The following PTPRD variants were observed in gnomAD, a reference collection of about 807,000 sequenced individuals.
PTPRD encodes the protein receptor-type tyrosine-protein phosphatase delta.
In PTPRD, 34 loss-of-function variants were observed where a neutral mutation model predicts 214.5. The observed-to-expected ratio is 0.16, with a 90% CI of 0.12 to 0.21. The LOEUF (loss-of-function observed/expected upper bound fraction) is 0.21, where lower values mean the gene tolerates loss of function less well. Ranked by LOEUF, PTPRD falls within the 10% of genes least tolerant of loss-of-function variation. The pLI is 1.00. For synonymous variants in PTPRD, 1,128 were observed against 845.7 expected (o/e 1.33, Z -5.79); for missense variants, 2,545 against 2,398.7 (o/e 1.06, Z -1.27).
At chr9:9,547,118 G>A (rs1197717691) in intron 8 of PTPRD, among the ~76,000 whole-genome samples, 3 of 151,976 alleles carry the variant, frequency 2.0e-5, no homozygotes, top group Non-Finnish European at 4.4e-5. Flanking sequence ...TTGCACAAAT[G>A]CCATACCAAA....
At chr9:8,646,689 A>C (rs917997800) in intron 12 of PTPRD, among the ~76,000 whole-genome samples, 1 of 152,164 alleles carries the variant, frequency 6.6e-6, no homozygotes. Flanking sequence ...TGTATCTTTT[A>C]TGAATCACAA....
intron 9 of PTPRD, among the ~76,000 whole-genome samples, chr9:9,351,710 T>C (rs542119326): frequency 6.6e-6 from 1 of 152,168 alleles, no homozygotes; most frequent in African/African-American, 2.4e-5. Flanking sequence ...TGACATATTG[T>C]CTTAAAACAT....
At chr9:10,193,775 A>G (rs1018599526) in intron 3 of PTPRD, among the ~76,000 whole-genome samples, 1 of 152,164 alleles carries the variant, frequency 6.6e-6, no homozygotes. Context: ...AATATTTCAG[A>G]TACAAAAAGT....
chr9:9,515,158 T>C (rs1470584014), intron 8 of PTPRD, among the ~76,000 whole-genome samples: 1 of 152,082 alleles, frequency 6.6e-6, no homozygotes, highest in African/African-American at 2.4e-5. Flanking sequence ...TTATTGACCG[T>C]GGTGGAGGTG....
intron 11 of PTPRD, among the ~76,000 whole-genome samples, chr9:8,753,858 T>C (rs2093744601): frequency 6.6e-6 from 1 of 152,206 alleles, no homozygotes; most frequent in Admixed American, 6.5e-5. Flanking sequence ...AGACTCATTA[T>C]TGTAGGCCAG....
At chr9:10,513,039 G>C (rs2048824347) in intron 2 of PTPRD, among the ~76,000 whole-genome samples, 1 of 152,076 alleles carries the variant, frequency 6.6e-6, no homozygotes, top group African/African-American at 2.4e-5. Flanking sequence ...TGTGTTATCA[G>C]AGCCAAAGAC....
chr9:9,004,896 G>C (rs10816029), intron 11 of PTPRD, among the ~76,000 whole-genome samples: 1 of 152,022 alleles, frequency 6.6e-6, no homozygotes, highest in African/African-American at 2.4e-5. Context: ...CTTATTTTCA[G>C]TGTAAGTTTT....
chr9:10,514,946 C>G (rs1233583841), intron 2 of PTPRD, among the ~76,000 whole-genome samples: 2 of 151,876 alleles, frequency 1.3e-5, no homozygotes, highest in Non-Finnish European at 2.9e-5. Context: ...TAAATTAATT[C>G]ATATAAAATT....
At chr9:10,561,145 G>C (rs1247648603) in intron 2 of PTPRD, among the ~76,000 whole-genome samples, 1 of 152,058 alleles carries the variant, frequency 6.6e-6, no homozygotes. Flanking sequence ...TCTAGATTTT[G>C]GTTTTAAACA....
chr9:8,597,541 C>T (rs1178312043), intron 14 of PTPRD, among the ~76,000 whole-genome samples: 1 of 151,888 alleles, frequency 6.6e-6, no homozygotes, highest in Non-Finnish European at 1.5e-5. Context: ...ATTTTTACAA[C>T]AGTGAAAATA....
intron 5 of PTPRD, among the ~76,000 whole-genome samples, chr9:9,844,059 T>A (rs117285748): frequency 0.029 from 4,456 of 152,090 alleles, 86 homozygotes; most frequent in Middle Eastern, 0.068. Context: ...CCATGTTCTT[T>A]GGGTACTTTA....
At chr9:8,454,732 A>G (rs1179203887) in intron 33 of PTPRD, 2 of 869,816 alleles carry the variant, frequency 2.3e-6, no homozygotes, top group African/African-American at 3.4e-5. Context: ...TACATTCAGA[A>G]GCGACAGCGA....
intron 2 of PTPRD, among the ~76,000 whole-genome samples, chr9:10,391,605 T>C (rs1565735502): frequency 6.6e-6 from 1 of 151,780 alleles, no homozygotes; most frequent in African/African-American, 2.4e-5. Flanking sequence ...ACCCTGAGTA[T>C]AACCATTGCT....
At chr9:8,671,980 A>T (rs2097297444) in intron 12 of PTPRD, among the ~76,000 whole-genome samples, 1 of 152,224 alleles carries the variant, frequency 6.6e-6, no homozygotes, top group Admixed American at 6.5e-5. Context: ...ACATCTCACG[A>T]GTCCATAAAC....
intron 8 of PTPRD, among the ~76,000 whole-genome samples, chr9:9,569,197 G>T (rs1021955701): frequency 5.9e-5 from 9 of 151,486 alleles, no homozygotes; most frequent in Non-Finnish European, 1.2e-4. Context: ...CAGATGATAC[G>T]CTAGTCATTT....
At chr9:8,399,398 C>T (rs560176179) in intron 36 of PTPRD, among the ~76,000 whole-genome samples, 2 of 152,072 alleles carry the variant, frequency 1.3e-5, no homozygotes, top group East Asian at 1.9e-4. Context: ...TTTAAATGTT[C>T]GTGAAATTAT....
chr9:8,394,785 T>G (rs1369553385), intron 36 of PTPRD, among the ~76,000 whole-genome samples: 1 of 152,152 alleles, frequency 6.6e-6, no homozygotes, highest in East Asian at 1.9e-4. Context: ...TCCTATTGCT[T>G]CTACCTTTGA....
intron 11 of PTPRD, among the ~76,000 whole-genome samples, chr9:8,812,704 C>A (rs7866522): frequency 0.78 from 118,421 of 151,582 alleles, 47,044 homozygotes; most frequent in African/African-American, 0.94. Flanking sequence ...GGTGACAAAC[C>A]TTACAAACTC....
chr9:10,551,966 T>A (rs1175776155), intron 2 of PTPRD, among the ~76,000 whole-genome samples: 4 of 152,224 alleles, frequency 2.6e-5, no homozygotes, highest in Non-Finnish European at 1.5e-5. Context: ...AATTTTCTAC[T>A]TTGCATGCAT....
Sources: gnomAD v4.1 joint callset for allele counts (sites outside exome capture counted in the v4.1 genomes callset) on GRCh38, gnomAD v4.1.1 for gene constraint, MANE v1.5 for transcripts, NCBI Gene and HGNC (gene_info 2026-07-23, HGNC 2026-07-21) for gene names.